PDS5B: variants seen among roughly 807,000 people sequenced by gnomAD.
PDS5B encodes the protein sister chromatid cohesion protein PDS5 homolog B.
Under a neutral mutation model 184.1 loss-of-function variants are expected in PDS5B, and 51 were observed. That is an observed-to-expected ratio of 0.28 (90% CI 0.22 to 0.35). PDS5B has a LOEUF of 0.35. Among genes scored for constraint, PDS5B ranks in the 10% least tolerant of loss-of-function variants. The pLI is 1.00. For synonymous variants in PDS5B, 566 were observed against 569.2 expected, an observed-to-expected ratio of 0.99 and a Z score of 0.08; for missense variants, 1,180 against 1,723.3, an observed-to-expected ratio of 0.68 and a Z score of 5.58.
At chr13:32,616,178 C>T (rs1486549345) in intron 1 of PDS5B, among the ~76,000 whole-genome samples, 2 of 151,926 alleles carry the variant, frequency 1.3e-5, no homozygotes, top group African/African-American at 4.8e-5. Context: ...CCCAGCCTCC[C>T]TAGTAGCTGG....
chr13:32,652,237 TGTC>T (rs1178320404), intron 3 of PDS5B: 1 of 399,178 alleles, frequency 2.5e-6, no homozygotes, highest in Non-Finnish European at 4.5e-6. Flanking sequence ...TTTTATATCA[TGTC>T]ATCATTAGCT....
At chr13:32,752,489 C>A (rs1189696307) in intron 24 of PDS5B, among the ~76,000 whole-genome samples, 2 of 152,082 alleles carry the variant, frequency 1.3e-5, no homozygotes, top group Non-Finnish European at 2.9e-5. Context: ...AAACATAATT[C>A]TTTTCTTCAA....
At chr13:32,592,904 A>G (rs990726554) in intron 1 of PDS5B, among the ~76,000 whole-genome samples, 5 of 152,124 alleles carry the variant, frequency 3.3e-5, no homozygotes, top group African/African-American at 4.8e-5. Context: ...CTAAATCTCA[A>G]CTTCTTAATC....
chr13:32,734,142 C>T (rs1953232770), intron 20 of PDS5B, among the ~76,000 whole-genome samples: 1 of 151,972 alleles, frequency 6.6e-6, no homozygotes, highest in South Asian at 2.1e-4. Flanking sequence ...ATTTTCCTGG[C>T]TTAGCCTCCT....
At chr13:32,722,362 TGGAGAG>T (rs1952747374) in intron 19 of PDS5B, among the ~76,000 whole-genome samples, 1 of 152,152 alleles carries the variant, frequency 6.6e-6, no homozygotes, top group Non-Finnish European at 1.5e-5. Context: ...ATGGAGACGA[TGGAGAG>T]GGAGAGAGAG....
chr13:32,662,232 T>C lies in PDS5B; in HGVS notation c.624+2952T>C, dbSNP rs1190040293. ...ATGGATAAAGAAGAGTTTTATATAA[T>C]GAGAAAAGATTCAGTACCCAGGAAG... is the stretch of plus-strand genomic sequence containing the variant. On this transcript the variant is annotated intron_variant, in intron 6 of 34. Coordinates refer to ENST00000315596, the MANE Select transcript of PDS5B (RefSeq NM_015032.4). Among the ~76,000 whole-genome samples the C allele has an allele frequency of 2.6e-5, 4 of 152,088 alleles. No homozygotes were observed. The East Asian group carries it at 7.7e-4, about 29-fold the overall frequency.
intron 13 of PDS5B, chr13:32,690,472 A>T (rs1805681987): frequency 6.6e-6 from 1 of 152,134 alleles, no homozygotes; most frequent in Non-Finnish European, 1.5e-5. Context: ...GTGAGGGCAG[A>T]CATCTTGACT....
intron 1 of PDS5B, among the ~76,000 whole-genome samples, chr13:32,593,611 G>A (rs186185893): frequency 1.3e-5 from 2 of 152,198 alleles, no homozygotes; most frequent in African/African-American, 4.8e-5. Context: ...AAAGTGCTGG[G>A]ATTACAGGTG....
intron 10 of PDS5B, among the ~76,000 whole-genome samples, chr13:32,680,849 A>AT (rs200690612): frequency 2.6e-5 from 4 of 151,948 alleles, no homozygotes; most frequent in Non-Finnish European, 5.9e-5. Context: ...CTGATTTTGA[A>AT]TTTTTTTTAT....
At chr13:32,636,891 T>C (rs986553426) in intron 1 of PDS5B, among the ~76,000 whole-genome samples, 2 of 152,266 alleles carry the variant, frequency 1.3e-5, no homozygotes, top group Middle Eastern at 3.4e-3. Context: ...GCTTCCCTGA[T>C]TGACAGGTGA....
intron 16 of PDS5B, among the ~76,000 whole-genome samples, chr13:32,700,250 A>G (rs1412253967): frequency 1.3e-5 from 2 of 152,048 alleles, no homozygotes; most frequent in Non-Finnish European, 2.9e-5. Flanking sequence ...CACAGTCTTG[A>G]TTCTTTCTTT....
chr13:32,717,686 A>AT (rs1474543821), intron 19 of PDS5B, among the ~76,000 whole-genome samples: 260 of 142,932 alleles, frequency 1.8e-3, no homozygotes, highest in African/African-American at 5.4e-3. Flanking sequence ...AGAATGATCA[A>AT]TAAAAAAAAA....
At chr13:32,715,247 G>A (rs1952340205) in intron 19 of PDS5B, among the ~76,000 whole-genome samples, 1 of 152,134 alleles carries the variant, frequency 6.6e-6, no homozygotes, top group Admixed American at 6.5e-5. Flanking sequence ...GAATTTCCTA[G>A]GCAGCCCTAG....
At chr13:32,629,212 T>C (rs1053785246) in intron 1 of PDS5B, among the ~76,000 whole-genome samples, 1 of 152,214 alleles carries the variant, frequency 6.6e-6, no homozygotes, top group Non-Finnish European at 1.5e-5. Context: ...GAAGAGTTTG[T>C]TTCATGATTA....
intron 29 of PDS5B, 33 bp downstream of exon 29, chr13:32,759,723 G>A: frequency 8.3e-7 from 1 of 1,208,400 alleles, no homozygotes; most frequent in Non-Finnish European, 1.2e-6. Context: ...ATTTTTATGT[G>A]GTAGCTTATT....
At chr13:32,641,799 C>T (rs1172197294) in intron 1 of PDS5B, among the ~76,000 whole-genome samples, 7 of 152,132 alleles carry the variant, frequency 4.6e-5, no homozygotes, top group Non-Finnish European at 1.0e-4. Context: ...AATATTTTCT[C>T]ATTTTACACT....
intron 13 of PDS5B, chr13:32,689,915 A>C (rs1177468108): frequency 6.6e-6 from 1 of 152,138 alleles, no homozygotes; most frequent in Non-Finnish European, 1.5e-5. Flanking sequence ...AATCATAGTA[A>C]ATCTAGACTT....
intron 19 of PDS5B, among the ~76,000 whole-genome samples, chr13:32,716,652 T>C (rs71423118): frequency 0.99 from 120,511 of 121,620 alleles, 59,813 homozygotes; most frequent in African/African-American, 0.99. Context: ...GCCGCCCCGT[T>C]TGGGAGGGAG....
Position 32,758,070 on chromosome 13 carries a change from C to A in PDS5B, c.3057-17C>A. On this transcript the variant is annotated splice_polypyrimidine_tract_variant and intron_variant, in intron 26 of 34. Transcript: ENST00000315596. ...GATTTTCTTCTATATTTCTTTTTTC[C>A]TTTTTTTTTTTTTTAGATGTCTTTG... is the stretch of plus-strand genomic sequence containing the variant. 1.1e-6 allele frequency: 1 copy of A among 930,838 alleles called. No homozygotes were observed. The allele number at this position is 930,838 out of a possible 1,614,324, so 57.7% of individuals were successfully genotyped here.
Sources: gnomAD v4.1 joint callset for allele counts (sites outside exome capture counted in the v4.1 genomes callset) on GRCh38, gnomAD v4.1.1 for gene constraint, MANE v1.5 for transcripts, NCBI Gene and HGNC (gene_info 2026-07-23, HGNC 2026-07-21) for gene names.